KCNK2: variants seen among roughly 807,000 people sequenced by gnomAD.
The protein encoded by KCNK2 is potassium two pore domain channel subfamily K member 2.
In KCNK2, 21 loss-of-function variants were observed where a neutral mutation model predicts 40.5. The ratio of observed to expected loss-of-function variants is 0.52; its 90% CI spans 0.37 to 0.75. The LOEUF (loss-of-function observed/expected upper bound fraction) is 0.75. Among genes scored for constraint, KCNK2 ranks in the 30% least tolerant of loss-of-function variants. The pLI, the probability that KCNK2 is intolerant of heterozygous loss-of-function variation, is 0.00. For missense variants in KCNK2, 399 were observed against 531.6 expected, an observed-to-expected ratio of 0.75 and a Z score of 2.45; for synonymous variants, 191 against 202.2, an observed-to-expected ratio of 0.94 and a Z score of 0.47.
intron 6 of KCNK2, among the ~76,000 whole-genome samples, chr1:215,201,479 G>C (rs1665078287): frequency 6.6e-6 from 1 of 152,162 alleles, no homozygotes; most frequent in African/African-American, 2.4e-5. Context: ...TGTTTTTATG[G>C]AAATGGGAGC....
intron 5 of KCNK2, among the ~76,000 whole-genome samples, chr1:215,187,162 G>C (rs760899627): frequency 6.6e-6 from 1 of 152,048 alleles, no homozygotes; most frequent in Non-Finnish European, 1.5e-5. Context: ...GTAGAGATGA[G>C]ATCTCCTTCG....
upstream of KCNK2, among the ~76,000 whole-genome samples, chr1:215,080,308 A>AG (rs1273450329): frequency 6.6e-6 from 1 of 152,204 alleles, no homozygotes; most frequent in East Asian, 1.9e-4. Context: ...GAAAACTCGG[A>AG]GGGGGGAATG....
intron 3 of KCNK2, among the ~76,000 whole-genome samples, chr1:215,136,394 G>A (rs1029668221): frequency 2.0e-5 from 3 of 151,994 alleles, no homozygotes; most frequent in African/African-American, 7.3e-5. Context: ...CACCATGCCT[G>A]GCCTCAAAAT....
chr1:215,067,067 A>G (rs934136282), intron 1 of KCNK2, among the ~76,000 whole-genome samples: 1 of 152,074 alleles, frequency 6.6e-6, no homozygotes, highest in Admixed American at 6.5e-5. Context: ...AAAAAAACGA[A>G]CGGGGTGGGC....
At chr1:215,086,163 C>T (rs1439315722) in intron 1 of KCNK2, among the ~76,000 whole-genome samples, 1 of 152,116 alleles carries the variant, frequency 6.6e-6, no homozygotes. Flanking sequence ...CCAATAGCAG[C>T]AGAGAGCACA....
chr1:215,232,731 C>T (rs1019512478), intron 6 of KCNK2, among the ~76,000 whole-genome samples: 11 of 151,848 alleles, frequency 7.2e-5, no homozygotes, highest in Non-Finnish European at 1.3e-4. Flanking sequence ...AGACAATTAC[C>T]AAAGTAAAGT....
intron 1 of KCNK2, among the ~76,000 whole-genome samples, chr1:215,015,092 C>T (rs1656540436): frequency 6.6e-6 from 1 of 152,144 alleles, no homozygotes; most frequent in South Asian, 2.1e-4. Context: ...CTGGTTTGAA[C>T]TTGTGAGCTG....
At chr1:215,215,568 A>G (rs934327127) in intron 6 of KCNK2, among the ~76,000 whole-genome samples, 2 of 152,196 alleles carry the variant, frequency 1.3e-5, no homozygotes, top group Non-Finnish European at 2.9e-5. Context: ...TTCATGGAAT[A>G]TAAGTAGATG....
At chr1:215,045,943 C>T (rs1657751752) in intron 1 of KCNK2, among the ~76,000 whole-genome samples, 1 of 132,446 alleles carries the variant, frequency 7.6e-6, no homozygotes, top group African/African-American at 2.5e-5. Flanking sequence ...AAAACACAGA[C>T]ACATAGTATA....
At chr1:215,224,180 C>T (rs140895148) in intron 6 of KCNK2, among the ~76,000 whole-genome samples, 172 of 152,092 alleles carry the variant, frequency 1.1e-3, no homozygotes, top group African/African-American at 3.9e-3. Flanking sequence ...TGGAGAACCT[C>T]CTGGGTATTA....
At chr1:215,068,225 GA>G (rs756400428) in intron 1 of KCNK2, among the ~76,000 whole-genome samples, 4 of 152,006 alleles carry the variant, frequency 2.6e-5, no homozygotes, top group Non-Finnish European at 4.4e-5. Flanking sequence ...TGTGTTATGA[GA>G]ACATAGTAAA....
At chr1:215,218,386 A>G (rs1666038625) in intron 6 of KCNK2, among the ~76,000 whole-genome samples, 3 of 152,140 alleles carry the variant, frequency 2.0e-5, no homozygotes, top group Admixed American at 6.6e-5. Flanking sequence ...CCTCAAATTT[A>G]ACATAACCCA....
intron 6 of KCNK2, among the ~76,000 whole-genome samples, chr1:215,196,336 C>T (rs1191184247): frequency 1.3e-5 from 2 of 152,130 alleles, no homozygotes; most frequent in Non-Finnish European, 1.5e-5. Flanking sequence ...ATCTGCCCGC[C>T]TCTGCCTCCC....
At chr1:215,069,699 G>A (rs2102514197) in intron 1 of KCNK2, among the ~76,000 whole-genome samples, 1 of 152,280 alleles carries the variant, frequency 6.6e-6, no homozygotes, top group Non-Finnish European at 1.5e-5. Flanking sequence ...TGCAGCTGAG[G>A]AAACCAAGGC....
chr1:215,119,736 A>G (rs1327936913), intron 2 of KCNK2, among the ~76,000 whole-genome samples: 2 of 152,158 alleles, frequency 1.3e-5, no homozygotes, highest in African/African-American at 2.4e-5. Context: ...CTTATTCATA[A>G]GTTGTCAACA....
intron 3 of KCNK2, among the ~76,000 whole-genome samples, chr1:215,165,913 A>G (rs1391973694): frequency 1.3e-5 from 2 of 152,196 alleles, no homozygotes; most frequent in Non-Finnish European, 2.9e-5. Flanking sequence ...AGGAATGGCT[A>G]TAATATACTG....
chr1:215,083,211 C>A lies in KCNK2; in HGVS notation c.-175C>A. 6.2e-6 allele frequency: 8 copies of A among 1,292,406 alleles called. No homozygotes were observed. Among genetic ancestry groups the A allele is most frequent in the Non-Finnish European group, 8.6e-6 (8 of 933,608 alleles). The allele number at this position is 1,292,406 out of a possible 1,614,324, so 80.1% of individuals were successfully genotyped here. On this transcript the variant is annotated 5_prime_UTR_variant, in exon 1 of 7. Coordinates refer to ENST00000444842, the MANE Select transcript of KCNK2 (RefSeq NM_001017425.3). ...TCTCACGCTCCCCCCCCCGCCCCCT[C>A]CCGCGTCCAGCCCCGCTCTCCCCAC...
At chr1:215,039,440 T>A (rs1236433025) in intron 1 of KCNK2, among the ~76,000 whole-genome samples, 1 of 152,174 alleles carries the variant, frequency 6.6e-6, no homozygotes, top group Non-Finnish European at 1.5e-5. Context: ...AAACCCCATC[T>A]ATAGTTATGT....
At chr1:215,041,216 A>G (rs1408554519) in intron 1 of KCNK2, among the ~76,000 whole-genome samples, 2 of 152,132 alleles carry the variant, frequency 1.3e-5, no homozygotes, top group Non-Finnish European at 2.9e-5. Flanking sequence ...CTTCTTAGCG[A>G]TTTATTTAGA....
Sources: allele counts gnomAD v4.1 joint callset (sites outside exome capture counted in the v4.1 genomes callset), GRCh38; gene constraint gnomAD v4.1.1; transcripts MANE v1.5; gene names NCBI Gene and HGNC (gene_info 2026-07-23, HGNC 2026-07-21).